The following ADAM19 variants were observed in gnomAD, a reference collection of about 807,000 sequenced individuals.
ADAM19 encodes disintegrin and metalloproteinase domain-containing protein 19.
Under a neutral mutation model 114.7 loss-of-function variants are expected in ADAM19, and 65 were observed. The ratio of observed to expected loss-of-function variants is 0.57; its 90% CI spans 0.46 to 0.70. The LOEUF (loss-of-function observed/expected upper bound fraction) is 0.70, where lower values mean the gene tolerates loss of function less well. ADAM19 is among the 30% of genes least tolerant of loss of function. The pLI, the probability that ADAM19 is intolerant of heterozygous loss-of-function variation, is 0.00. For synonymous variants in ADAM19, 466 were observed against 460.5 expected (o/e 1.01, Z -0.15); for missense variants, 1,063 against 1,204.7 (o/e 0.88, Z 1.74).
chr5:157,568,497 T>G (rs1757731875), intron 2 of ADAM19: 1 of 152,214 alleles, frequency 6.6e-6, no homozygotes, highest in Admixed American at 6.5e-5. Flanking sequence ...AGAGGCACCA[T>G]CAGCTCTCCT....
chr5:157,479,235 A>T lies in ADAM19; in HGVS notation c.*1714T>A. 1.0e-6 allele frequency: 1 copy of T among 985,910 alleles called. No individual in the cohort carries two copies. Among genetic ancestry groups the T allele is most frequent in the Non-Finnish European group, 1.2e-6 (1 of 829,974 alleles). The allele number at this position is 985,910 out of a possible 1,614,324, so 61.1% of individuals were successfully genotyped here. The stretch of plus-strand genomic sequence containing the variant: ...TAAACCCAACCCAGGCTTTTCCCCC[A>T]GGGGTACATCCCGTATTTTCCACTT... On this transcript the variant is annotated 3_prime_UTR_variant, in exon 23 of 23. Coordinates refer to ENST00000257527, the MANE Select transcript of ADAM19 (RefSeq NM_033274.5).
chr5:157,507,053 C>T lies in ADAM19; in HGVS notation c.990+3G>A, dbSNP rs766914265. On this transcript the variant is annotated splice_donor_region_variant and intron_variant, in intron 10 of 22. Transcript: ENST00000257527. ...CAGCGCACACACACGGGCTGAGACTCACCATGTTGACTCCTCCAGACTGGT... is the reference window on the plus strand; with the variant it reads ...CAGCGCACACACACGGGCTGAGACTTACCATGTTGACTCCTCCAGACTGGT... The T allele has an allele frequency of 1.7e-5, 27 of 1,613,802 alleles. No homozygotes were observed. The highest frequency in any genetic ancestry group is 3.3e-5 in the Admixed American group (2 of 60,002).
Position 157,493,317 on chromosome 5 carries a change from T to C in ADAM19, c.1704-140A>G, listed in dbSNP as rs1755237668. ...CAAAGGTTTAGGGCAGTCATGTGCT[T>C]TGGAACCCACCAGGAGAGATTCCAT... On this transcript the variant is annotated intron_variant, in intron 15 of 22. Transcript: ENST00000257527. 3 of 803,136 alleles carry C rather than the reference T, an allele frequency of 3.7e-6. No homozygotes were observed. The South Asian group carries it at 5.2e-5, about 14-fold the overall frequency. 49.8% of individuals were successfully genotyped at this position (803,136 alleles called of 1,614,324 possible).
intron 21 of ADAM19, among the ~76,000 whole-genome samples, chr5:157,487,980 TG>T (rs1192525281): frequency 6.6e-6 from 1 of 152,036 alleles, no homozygotes; most frequent in Non-Finnish European, 1.5e-5. Context: ...CAGACGAGCA[TG>T]GGGGAACTGA....
At chr5:157,506,174 G>T (rs10055180) in intron 10 of ADAM19, among the ~76,000 whole-genome samples, 13,432 of 152,150 alleles carry the variant, frequency 0.088, 936 homozygotes, top group African/African-American at 0.18. Context: ...ACACGACCTT[G>T]ATTCAAACAT....
At chr5:157,574,222 C>A (rs1307199292) in intron 1 of ADAM19, among the ~76,000 whole-genome samples, 2 of 152,168 alleles carry the variant, frequency 1.3e-5, no homozygotes, top group African/African-American at 4.8e-5. Context: ...AGATCATTTT[C>A]TTTTACACTT....
chr5:157,520,111 T>C (rs780158762), intron 5 of ADAM19, 80 bp from the exon 6 acceptor site: 6 of 1,380,348 alleles, frequency 4.3e-6, no homozygotes, highest in East Asian at 2.3e-5. Flanking sequence ...AGTTTCTCCA[T>C]ATGCAAAATG....
At chr5:157,523,795 G>C (rs1485400666) in intron 5 of ADAM19, among the ~76,000 whole-genome samples, 2 of 152,216 alleles carry the variant, frequency 1.3e-5, no homozygotes, top group Admixed American at 1.3e-4. Flanking sequence ...CTGCAGGCCT[G>C]AGTAATTCCC....
intron 1 of ADAM19, among the ~76,000 whole-genome samples, chr5:157,573,683 C>T (rs6420080): frequency 0.35 from 53,569 of 150,996 alleles, 11,450 homozygotes; most frequent in African/African-American, 0.59. Flanking sequence ...GAAGCAGAGA[C>T]TGCAGTGAGC....
intron 3 of ADAM19, among the ~76,000 whole-genome samples, chr5:157,559,547 G>T (rs567103844): frequency 1.4e-4 from 21 of 152,316 alleles, no homozygotes; most frequent in African/African-American, 5.1e-4. Flanking sequence ...GAAAGGACAG[G>T]ATATGGCGCT....
intron 1 of ADAM19, chr5:157,572,414 C>A: frequency 2.9e-6 from 1 of 348,126 alleles, no homozygotes; most frequent in Non-Finnish European, 5.9e-6. Flanking sequence ...GACTGGTCTC[C>A]GTAGTGTTCC....
At chr5:157,500,448 A>G (rs1755524983) in intron 12 of ADAM19, among the ~76,000 whole-genome samples, 1 of 152,208 alleles carries the variant, frequency 6.6e-6, no homozygotes, top group African/African-American at 2.4e-5. Flanking sequence ...GTAACCATGT[A>G]GTCTTCTAAA....
Position 157,480,304 on chromosome 5 carries a change from C to A in ADAM19, c.*645G>T. On this transcript the variant is annotated 3_prime_UTR_variant, in exon 23 of 23. Coordinates refer to ENST00000257527, the MANE Select transcript of ADAM19 (RefSeq NM_033274.5). ...CTGTCTACACTGCCTACGAATAGTA[C>A]CTGTCTGAGTCAGAGTGACCCGTGT... 3.0e-6 allele frequency: 3 copies of A among 986,150 alleles called. No individual in the cohort carries two copies. The highest frequency in any genetic ancestry group is 3.5e-5 in the African/African-American group (2 of 57,358). The allele number at this position is 986,150 out of a possible 1,614,324, so 61.1% of individuals were successfully genotyped here.
chr5:157,480,630 G>A lies in ADAM19; in HGVS notation c.*319C>T. 8.6e-7 allele frequency: 1 copy of A among 1,167,638 alleles called. No homozygotes were observed. The highest frequency in any genetic ancestry group is 1.1e-6 in the Non-Finnish European group (1 of 941,288). 72.3% of individuals were successfully genotyped at this position (1,167,638 alleles called of 1,614,324 possible). A position where few individuals can be genotyped will look rare whatever the true frequency, so the allele number is the denominator to read the frequency against. On this transcript the variant is annotated 3_prime_UTR_variant, in exon 23 of 23. Coordinates refer to ENST00000257527, the MANE Select transcript of ADAM19 (RefSeq NM_033274.5). Reference sequence around the variant, plus strand: ...GGCCTGAGGGGCTTGCTGGCCTTGAGCATCTCCATCAGCACCTCGGGGCTA... The same window carrying A: ...GGCCTGAGGGGCTTGCTGGCCTTGAACATCTCCATCAGCACCTCGGGGCTA...
chr5:157,479,395 G>C lies in ADAM19; in HGVS notation c.*1554C>G, dbSNP rs1754682229. ...CAAGAGCAAACAATTGCTCATGGCAGGATGGGAGGAGGCCCCAGGAAAGCC... is the reference window on the plus strand; with the variant it reads ...CAAGAGCAAACAATTGCTCATGGCACGATGGGAGGAGGCCCCAGGAAAGCC... On this transcript the variant is annotated 3_prime_UTR_variant, in exon 23 of 23. Transcript: ENST00000257527. The C allele has an allele frequency of 1.0e-6, 1 of 985,964 alleles. No individual in the cohort carries two copies. Among genetic ancestry groups the C allele is most frequent in the African/African-American group, 1.7e-5 (1 of 57,238 alleles). The allele number at this position is 985,964 out of a possible 1,614,324, so 61.1% of individuals were successfully genotyped here. A position where few individuals can be genotyped will look rare whatever the true frequency, so the allele number is the denominator to read the frequency against.
intron 14 of ADAM19, among the ~76,000 whole-genome samples, chr5:157,495,124 G>T (rs927598074): frequency 6.6e-6 from 1 of 151,262 alleles, no homozygotes; most frequent in Non-Finnish European, 1.5e-5. Context: ...GAGTAGCTGG[G>T]ATGACAAGCA....
chr5:157,550,106 ATGAC>A (rs1327243548), intron 3 of ADAM19, among the ~76,000 whole-genome samples: 1 of 152,186 alleles, frequency 6.6e-6, no homozygotes, highest in Admixed American at 6.5e-5. Context: ...AGAATGAAGA[ATGAC>A]TGTGCTCCTT....
At chr5:157,519,788 G>A (rs757718685) in intron 6 of ADAM19, 51 bp downstream of exon 6, 2 of 1,527,534 alleles carry the variant, frequency 1.3e-6, no homozygotes, top group East Asian at 4.5e-5. Context: ...ACCTCAGAGG[G>A]GACAAGCCTG....
chr5:157,512,669 G>A (rs1755958674), intron 8 of ADAM19, among the ~76,000 whole-genome samples: 1 of 152,156 alleles, frequency 6.6e-6, no homozygotes, highest in African/African-American at 2.4e-5. Context: ...CAAAAATGTA[G>A]GTATTTCCGA....
Sources: allele counts gnomAD v4.1 joint callset (sites outside exome capture counted in the v4.1 genomes callset), GRCh38; gene constraint gnomAD v4.1.1; transcripts MANE v1.5; gene names NCBI Gene and HGNC (gene_info 2026-07-23, HGNC 2026-07-21).